The following SLC71A2 variants were observed in gnomAD, a reference collection of about 807,000 sequenced individuals.
SLC71A2 encodes the protein hippocampus abundant transcript-like 1.
chr9:94,415,198 T>C, the SLC71A2 span: 7 of 1,614,002 alleles, frequency 4.3e-6, no homozygotes, highest in South Asian at 2.2e-5. Flanking sequence ...CATGCTGCTA[T>C]TGTCATCTTC....
chr9:94,400,070 C>G, the SLC71A2 span, among the ~76,000 whole-genome samples: 1 of 152,034 alleles, frequency 6.6e-6, no homozygotes, highest in Non-Finnish European at 1.5e-5. Context: ...CTAGGCCTCC[C>G]AAAGTTCTGG....
chr9:94,414,345 G>A, the SLC71A2 span, among the ~76,000 whole-genome samples: 1 of 152,252 alleles, frequency 6.6e-6, no homozygotes, highest in South Asian at 2.1e-4. Flanking sequence ...ATAAATAAGA[G>A]GGTGCAAAGA....
chr9:94,424,517 G>A, the SLC71A2 span, among the ~76,000 whole-genome samples: 1 of 152,022 alleles, frequency 6.6e-6, no homozygotes, highest in African/African-American at 2.4e-5. Context: ...TTGCAGGTGT[G>A]AGCCACTGCG....
the SLC71A2 span, among the ~76,000 whole-genome samples, chr9:94,399,564 A>G: frequency 1.2e-4 from 18 of 152,252 alleles, no homozygotes; most frequent in East Asian, 5.8e-4. Flanking sequence ...TCTCTTGTTT[A>G]TTTGTAACCT....
the SLC71A2 span, among the ~76,000 whole-genome samples, chr9:94,458,994 C>G: frequency 1.3e-5 from 2 of 152,160 alleles, no homozygotes; most frequent in African/African-American, 4.8e-5. Flanking sequence ...TGTCATATTC[C>G]AAACACCAAG....
At chr9:94,389,895 A>T in the SLC71A2 span, among the ~76,000 whole-genome samples, 1 of 150,932 alleles carries the variant, frequency 6.6e-6, no homozygotes. Flanking sequence ...GGCATTAGCC[A>T]CCATGTCTGA....
the SLC71A2 span, among the ~76,000 whole-genome samples, chr9:94,406,066 A>ATTGTTTTTTT: frequency 1.6e-5 from 1 of 63,598 alleles, no homozygotes; most frequent in Admixed American, 2.7e-4. Flanking sequence ...TGCAACTTGA[A>ATTGTTTTTTT]TTTTTTTTTT....
At chr9:94,455,533 G>C in the SLC71A2 span, among the ~76,000 whole-genome samples, 2 of 151,986 alleles carry the variant, frequency 1.3e-5, no homozygotes, top group Non-Finnish European at 2.9e-5. Flanking sequence ...CTTTTTACCA[G>C]ATTAACTTGC....
At chr9:94,449,500 T>G in the SLC71A2 span, among the ~76,000 whole-genome samples, 2 of 152,200 alleles carry the variant, frequency 1.3e-5, no homozygotes, top group Non-Finnish European at 2.9e-5. Flanking sequence ...AGAATAACAT[T>G]ACTAGCCGTC....
At chr9:94,394,123 G>A in the SLC71A2 span, among the ~76,000 whole-genome samples, 2 of 140,872 alleles carry the variant, frequency 1.4e-5, no homozygotes, top group Admixed American at 7.2e-5. Context: ...ATTAATTTGG[G>A]TTGTGGTTAA....
the SLC71A2 span, among the ~76,000 whole-genome samples, chr9:94,423,500 G>C: frequency 3.3e-5 from 5 of 151,996 alleles, no homozygotes; most frequent in African/African-American, 1.2e-4. Context: ...CCACCACTAT[G>C]GTTACTTGCC....
chr9:94,421,375 CTTGTCACATTTCT>C, the SLC71A2 span, among the ~76,000 whole-genome samples: 1 of 152,134 alleles, frequency 6.6e-6, no homozygotes, highest in Non-Finnish European at 1.5e-5. Flanking sequence ...AATTTCTGTC[CTTGTCACATTTCT>C]AATGTGACAG....
the SLC71A2 span, among the ~76,000 whole-genome samples, chr9:94,418,725 C>T: frequency 1.3e-5 from 2 of 151,870 alleles, no homozygotes; most frequent in Non-Finnish European, 2.9e-5. Flanking sequence ...TAGGCATAAG[C>T]CACCACACCT....
At chr9:94,395,463 T>TA in the SLC71A2 span, among the ~76,000 whole-genome samples, 2 of 152,004 alleles carry the variant, frequency 1.3e-5, no homozygotes, top group African/African-American at 4.8e-5. Context: ...ACTCCAGGAA[T>TA]AGAGTGCTTA....
chr9:94,424,087 C>A, the SLC71A2 span, among the ~76,000 whole-genome samples: 1 of 152,174 alleles, frequency 6.6e-6, no homozygotes, highest in South Asian at 2.1e-4. Context: ...TGAAAAAATT[C>A]TTCTTTCCCC....
the SLC71A2 span, among the ~76,000 whole-genome samples, chr9:94,378,250 C>G: frequency 6.6e-6 from 1 of 151,684 alleles, no homozygotes; most frequent in Non-Finnish European, 1.5e-5. Context: ...AAGCTTAGCA[C>G]CAGCATCTGT....
At chr9:94,446,863 T>C in the SLC71A2 span, 1 of 1,612,660 alleles carries the variant, frequency 6.2e-7, no homozygotes, top group East Asian at 2.2e-5. Context: ...GTCTTACTAA[T>C]CTGCATCACC....
At chr9:94,374,587 G>A in the SLC71A2 span, 1 of 152,914 alleles carries the variant, frequency 6.5e-6, no homozygotes. Context: ...CGAGAGTCGG[G>A]GTCGGTGCGG....
chr9:94,439,740 CCTTT>C, the SLC71A2 span, among the ~76,000 whole-genome samples: 1 of 151,722 alleles, frequency 6.6e-6, no homozygotes, highest in Non-Finnish European at 1.5e-5. Flanking sequence ...TTTTTAATGT[CCTTT>C]TTTTGGCTTA....
Sources: allele counts gnomAD v4.1 joint callset (sites outside exome capture counted in the v4.1 genomes callset), GRCh38; gene constraint gnomAD v4.1.1; transcripts MANE v1.5; gene names NCBI Gene and HGNC (gene_info 2026-07-23, HGNC 2026-07-21).